The following TMEM132E variants were observed in gnomAD, a reference collection of about 807,000 sequenced individuals.
TMEM132E encodes the protein transmembrane protein 132E.
A neutral mutation model predicts 78.5 loss-of-function variants in TMEM132E; 49 were observed. The observed-to-expected ratio is 0.62, with a 90% CI of 0.50 to 0.79. The LOEUF is 0.79. Among genes scored for constraint, TMEM132E ranks in the 30% least tolerant of loss-of-function variants. The probability of loss-of-function intolerance (pLI) is 0.00; values close to 1 mark genes in which losing one functional copy is unlikely to be tolerated. For synonymous variants in TMEM132E, 715 were observed against 670.6 expected (o/e 1.07, Z -1.02); for missense variants, 1,403 against 1,470.9 (o/e 0.95, Z 0.75).
chr17:34,595,582 A>G (rs1398785282), intron 1 of TMEM132E, among the ~76,000 whole-genome samples: 3 of 152,202 alleles, frequency 2.0e-5, no homozygotes, highest in Non-Finnish European at 4.4e-5. Flanking sequence ...TCAAAGAAAC[A>G]TGGGACAAGG....
chr17:34,638,349 T>G lies in TMEM132E; in HGVS notation c.*117T>G, dbSNP rs918820548. The G allele has an allele frequency of 8.7e-7, 1 of 1,145,108 alleles. No homozygotes were observed. Among genetic ancestry groups the G allele is most frequent in the African/African-American group, 1.6e-5 (1 of 63,518 alleles). The allele number at this position is 1,145,108 out of a possible 1,614,324, so 70.9% of individuals were successfully genotyped here. Reference sequence around the variant, plus strand: ...GCGGCTGAATTGATTTTGTACTCCCTGCCCCTGCAGCTTGGCTCCGTGCGG... The same window carrying G: ...GCGGCTGAATTGATTTTGTACTCCCGGCCCCTGCAGCTTGGCTCCGTGCGG... On this transcript the variant is annotated 3_prime_UTR_variant, in exon 9 of 9. Transcript: ENST00000631683.
At chr17:34,607,289 C>A (rs1320020653) in intron 1 of TMEM132E, among the ~76,000 whole-genome samples, 1 of 152,198 alleles carries the variant, frequency 6.6e-6, no homozygotes, top group Non-Finnish European at 1.5e-5. Flanking sequence ...AAGGGGCCCA[C>A]AGACCACAGG....
intron 1 of TMEM132E, among the ~76,000 whole-genome samples, chr17:34,619,226 T>C (rs1033633227): frequency 4.0e-5 from 6 of 149,292 alleles, no homozygotes; most frequent in South Asian, 4.3e-4. Context: ...CAAAAAGATG[T>C]GTTTTGCATC....
At chr17:34,595,079 C>T (rs1906010013) in intron 1 of TMEM132E, among the ~76,000 whole-genome samples, 1 of 152,210 alleles carries the variant, frequency 6.6e-6, no homozygotes, top group Admixed American at 6.5e-5. Context: ...GGCTTCCTGT[C>T]ATTCTGTAGG....
At position 34,636,183 on chromosome 17, in the gene TMEM132E, G is replaced by C. The variant is rs1907517225; in HGVS notation, c.2154G>C (p.Leu718Phe). 5.9e-6 allele frequency: 9 copies of C among 1,513,614 alleles called. No homozygotes were observed. Among genetic ancestry groups the C allele is most frequent in the Non-Finnish European group, 8.0e-6 (9 of 1,131,508 alleles). The allele number at this position is 1,513,614 out of a possible 1,614,324, so 93.8% of individuals were successfully genotyped here. ...ILATTAAQQT[L>F]SFLKQEALLS... ...CCACCACAGCTGCCCAACAGACCTT[G>C]AGCTTCCTCAAGCAGGTAACTGGCT... The change falls in exon 8 of 9, where the codon TTG (leucine) becomes TTC (phenylalanine). Residue 718 changes from leucine (L) to phenylalanine (F), a missense_variant. This residue lies in a region of TMEM132E where 888 missense variants were observed against 952.8 expected (regional missense o/e 0.93). Coordinates refer to ENST00000631683, the MANE Select transcript of TMEM132E (RefSeq NM_001304438.2).
rs528712890 is a variant in TMEM132E at position 34,625,662 on chromosome 17, GA to G, written c.68-464del. Among the ~76,000 whole-genome samples, 664 of 152,280 alleles carry G rather than the reference GA, an allele frequency of 4.4e-3. 7 individuals are homozygous for G. Among genetic ancestry groups the G allele is most frequent in the African/African-American group, 0.015 (604 of 41,534 alleles). ...AATACGCTAAGGCCTGTCCCACACG[GA>G]GCGCAGTGCAGGATACACAGGGATC... is the stretch of plus-strand genomic sequence containing the variant. On this transcript the variant is annotated intron_variant, in intron 1 of 8. Transcript: ENST00000631683.
chr17:34,592,580 G>A (rs1184169743), intron 1 of TMEM132E, among the ~76,000 whole-genome samples: 1 of 152,188 alleles, frequency 6.6e-6, no homozygotes, highest in Non-Finnish European at 1.5e-5. Context: ...ACTCCTAGCA[G>A]GATGGCCAGG....
chr17:34,622,046 A>G (rs909425940), intron 1 of TMEM132E, among the ~76,000 whole-genome samples: 13 of 152,102 alleles, frequency 8.5e-5, no homozygotes, highest in Admixed American at 2.0e-4. Context: ...CTCCCATGCC[A>G]TGCTCCATGA....
chr17:34,614,550 AC>A (rs1169697544), intron 1 of TMEM132E: 2 of 152,224 alleles, frequency 1.3e-5, no homozygotes, highest in African/African-American at 4.8e-5. Context: ...TCCTGAAATC[AC>A]AGATGCAGAC....
At chr17:34,616,680 G>A (rs571194542) in intron 1 of TMEM132E, among the ~76,000 whole-genome samples, 2 of 152,268 alleles carry the variant, frequency 1.3e-5, no homozygotes, top group South Asian at 2.1e-4. Flanking sequence ...GGTGGGGAAG[G>A]TTTGAGCTGC....
At chr17:34,612,327 C>A (rs1037854378) in intron 1 of TMEM132E, among the ~76,000 whole-genome samples, 1 of 152,208 alleles carries the variant, frequency 6.6e-6, no homozygotes, top group Non-Finnish European at 1.5e-5. Flanking sequence ...GGAAAGCAGG[C>A]TCCTCCTCCA....
rs144668878 is a variant in TMEM132E at position 34,626,315 on chromosome 17, G to C, written c.256G>C (p.Glu86Gln). ...GCCCTTCGTGGTGTTCCAGACCAAG[G>C]AGCTGCCGGTCCTCAACGTCTCTCT... is the stretch of plus-strand genomic sequence containing the variant. ...SEPFVVFQTK[E>Q]LPVLNVSLGP... Residue 86 changes from glutamate to glutamine, a missense_variant, in exon 2 of 9, where the codon GAG becomes CAG. Transcript: ENST00000631683. 411 of 1,612,152 alleles carry C rather than the reference G, an allele frequency of 2.5e-4. 7 individuals are homozygous for C. The South Asian group carries it at 4.1e-3, about 16-fold the overall frequency.
chr17:34,621,014 C>T (rs372892176), intron 1 of TMEM132E, among the ~76,000 whole-genome samples: 1 of 152,116 alleles, frequency 6.6e-6, no homozygotes, highest in African/African-American at 2.4e-5. Flanking sequence ...TGGCAGGGGT[C>T]GGGGAGGCTG....
chr17:34,625,732 C>T (rs945031531), intron 1 of TMEM132E, among the ~76,000 whole-genome samples: 4 of 152,256 alleles, frequency 2.6e-5, no homozygotes, highest in African/African-American at 7.2e-5. Context: ...GCCCTCTATG[C>T]GCACGACTTT....
At chr17:34,609,716 G>A (rs1307074757) in intron 1 of TMEM132E, among the ~76,000 whole-genome samples, 1 of 152,130 alleles carries the variant, frequency 6.6e-6, no homozygotes, top group African/African-American at 2.4e-5. Context: ...ACAAGTATAG[G>A]ATCTATTATT....
chr17:34,624,638 T>A (rs1301087122), intron 1 of TMEM132E, among the ~76,000 whole-genome samples: 2 of 151,670 alleles, frequency 1.3e-5, no homozygotes, highest in Admixed American at 1.3e-4. Flanking sequence ...CAGCCGTGAG[T>A]GTGAAGGTGA....
At chr17:34,599,439 T>C (rs1906162986) in intron 1 of TMEM132E, among the ~76,000 whole-genome samples, 1 of 152,148 alleles carries the variant, frequency 6.6e-6, no homozygotes, top group African/African-American at 2.4e-5. Flanking sequence ...TTTTAGGGTA[T>C]ACCAACCTCA....
At chr17:34,632,991 G>T in intron 6 of TMEM132E, 82 bp downstream of exon 6, 1 of 1,470,828 alleles carries the variant, frequency 6.8e-7, no homozygotes, top group Non-Finnish European at 9.4e-7. Context: ...CTGCATATGG[G>T]TATAAGGCCC....
intron 2 of TMEM132E, 77 bp downstream of exon 2, chr17:34,627,134 G>A (rs1474431716): frequency 3.9e-6 from 5 of 1,268,848 alleles, no homozygotes; most frequent in Non-Finnish European, 5.6e-6. Flanking sequence ...GGGTGGGTTG[G>A]GGGGTGGGGG....
Sources: allele counts gnomAD v4.1 joint callset (sites outside exome capture counted in the v4.1 genomes callset), GRCh38; gene constraint gnomAD v4.1.1; regional missense constraint gnomAD v4.1.1; transcripts MANE v1.5; gene names NCBI Gene and HGNC (gene_info 2026-07-23, HGNC 2026-07-21).